CECR2: variants seen among roughly 807,000 people sequenced by gnomAD.
CECR2 encodes the protein chromatin remodeling regulator CECR2.
In CECR2, 30 loss-of-function variants were observed where a neutral mutation model predicts 154.5. The observed-to-expected ratio is 0.19, with a 90% confidence interval of 0.15 to 0.26. CECR2 has a LOEUF of 0.26. CECR2 is among the 10% of genes least tolerant of loss of function. The pLI, the probability that CECR2 is intolerant of heterozygous loss-of-function variation, is 1.00. For missense variants in CECR2, 1,743 were observed against 1,829.3 expected (o/e 0.95, Z 0.86); for synonymous variants, 725 against 683.7 (o/e 1.06, Z -0.94).
intron 1 of CECR2, among the ~76,000 whole-genome samples, chr22:17,390,228 C>T (rs2146501905): frequency 6.6e-6 from 1 of 151,978 alleles, no homozygotes; most frequent in South Asian, 2.1e-4. Context: ...AAAAGCCATT[C>T]ATTCTATTGA....
At chr22:17,524,433 C>T in intron 9 of CECR2, 162 bp downstream of exon 9, 2 of 814,432 alleles carry the variant, frequency 2.5e-6, no homozygotes, top group Non-Finnish European at 3.5e-6. Context: ...CGCTGTGTCG[C>T]CCAGGCTGGA....
At chr22:17,406,419 A>ACCT (rs766783151) in intron 1 of CECR2, among the ~76,000 whole-genome samples, 22 of 152,342 alleles carry the variant, frequency 1.4e-4, no homozygotes, top group Admixed American at 3.9e-4. Flanking sequence ...GCTACTGAGG[A>ACCT]GGCTGAAGCA....
chr22:17,533,739 G>A (rs2056395549), intron 9 of CECR2, among the ~76,000 whole-genome samples: 3 of 144,704 alleles, frequency 2.1e-5, no homozygotes, highest in South Asian at 2.2e-4. Flanking sequence ...TTTTTGAGAT[G>A]ACGTTTCACC....
intron 1 of CECR2, among the ~76,000 whole-genome samples, chr22:17,402,387 C>G (rs907004598): frequency 6.6e-6 from 1 of 152,216 alleles, no homozygotes; most frequent in Non-Finnish European, 1.5e-5. Context: ...TATATCAGGG[C>G]TCAGCAAACT....
chr22:17,395,329 G>A lies in CECR2; in HGVS notation c.126+25420G>A, dbSNP rs373502895. On this transcript the variant is annotated intron_variant, in intron 1 of 18. Coordinates refer to ENST00000262608, the MANE Select transcript of CECR2 (RefSeq NM_001290047.2). ...AGGTGTGAGCCTCCGCACCCGGCTCGAATAGAATCTTACATATTCTCTCTT... is the reference window on the plus strand; with the variant it reads ...AGGTGTGAGCCTCCGCACCCGGCTCAAATAGAATCTTACATATTCTCTCTT... Among the ~76,000 whole-genome samples, 206 of 151,754 alleles carry A rather than the reference G, an allele frequency of 1.4e-3. 4 individuals are homozygous for A. In the South Asian group the frequency reaches 0.041, roughly 30 times the overall value.
chr22:17,467,883 G>C (rs1028475340), intron 1 of CECR2, among the ~76,000 whole-genome samples: 1 of 152,198 alleles, frequency 6.6e-6, no homozygotes, highest in African/African-American at 2.4e-5. Flanking sequence ...ATCAGAAAGA[G>C]AACTGCTGAG....
chr22:17,481,965 A>G (rs2055328089), intron 2 of CECR2, among the ~76,000 whole-genome samples: 1 of 151,420 alleles, frequency 6.6e-6, no homozygotes, highest in Non-Finnish European at 1.5e-5. Flanking sequence ...AGATACAAAA[A>G]AGTAGCCGGG....
intron 9 of CECR2, among the ~76,000 whole-genome samples, chr22:17,530,933 G>A (rs531937372): frequency 1.3e-5 from 2 of 152,304 alleles, no homozygotes; most frequent in East Asian, 3.9e-4. Context: ...GGGAGTCAGT[G>A]TTTAACGTTA....
intron 3 of CECR2, among the ~76,000 whole-genome samples, chr22:17,498,251 C>T (rs1490685259): frequency 3.3e-5 from 5 of 152,012 alleles, no homozygotes; most frequent in African/African-American, 2.4e-5. Context: ...ATTAGCCGGG[C>T]GTGGTGGCAG....
intron 1 of CECR2, among the ~76,000 whole-genome samples, chr22:17,463,421 A>G (rs954497326): frequency 2.0e-5 from 3 of 152,190 alleles, no homozygotes; most frequent in Admixed American, 6.5e-5. Flanking sequence ...TTGGTGAGGA[A>G]GCTTTTAAAT....
chr22:17,514,765 G>A (rs1192515404), intron 8 of CECR2, among the ~76,000 whole-genome samples: 1 of 152,132 alleles, frequency 6.6e-6, no homozygotes, highest in African/African-American at 2.4e-5. Context: ...CAGGCGCGGT[G>A]GCTCACGCCT....
chr22:17,490,772 C>T (rs1463142703), intron 2 of CECR2, among the ~76,000 whole-genome samples: 1 of 151,926 alleles, frequency 6.6e-6, no homozygotes, highest in Non-Finnish European at 1.5e-5. Context: ...TTAAAGTGTA[C>T]AATTCATTGG....
chr22:17,402,230 C>T (rs930821968), intron 1 of CECR2, among the ~76,000 whole-genome samples: 1 of 152,182 alleles, frequency 6.6e-6, no homozygotes, highest in African/African-American at 2.4e-5. Flanking sequence ...GGCAGTTCAC[C>T]TGCCTCGGCC....
chr22:17,553,347 A>G lies in CECR2; in HGVS notation c.*507A>G, dbSNP rs1409614345. The G allele has an allele frequency of 6.6e-6, 1 of 152,206 alleles. No individual in the cohort carries two copies. The highest frequency in any genetic ancestry group is 2.4e-5 in the African/African-American group (1 of 41,304). 9.4% of individuals were successfully genotyped at this position (152,206 alleles called of 1,614,324 possible). The stretch of plus-strand genomic sequence containing the variant: ...TGTTGGTGGTGAATGTATTGTACAT[A>G]AAGTGGGAAGGGTGGGTGGGGATGC... On this transcript the variant is annotated 3_prime_UTR_variant, in exon 19 of 19. Coordinates refer to ENST00000262608, the MANE Select transcript of CECR2 (RefSeq NM_001290047.2).
At chr22:17,459,440 C>T (rs1041554889) in intron 1 of CECR2, among the ~76,000 whole-genome samples, 2 of 152,138 alleles carry the variant, frequency 1.3e-5, no homozygotes, top group Non-Finnish European at 2.9e-5. Context: ...TACGGTTGAG[C>T]GCCACAACGC....
chr22:17,507,311 C>T (rs2055865325), intron 7 of CECR2, among the ~76,000 whole-genome samples: 1 of 152,304 alleles, frequency 6.6e-6, no homozygotes, highest in East Asian at 1.9e-4. Context: ...GTTTCACCAT[C>T]GGTGTACTTA....
At chr22:17,377,440 T>TC (rs2063131139) in intron 1 of CECR2, among the ~76,000 whole-genome samples, 2 of 152,268 alleles carry the variant, frequency 1.3e-5, no homozygotes, top group South Asian at 4.1e-4. Flanking sequence ...ATTTTTTTTT[T>TC]TTTTTAAAGA....
upstream of CECR2, among the ~76,000 whole-genome samples, chr22:17,365,156 A>G (rs34957432): frequency 0.64 from 97,230 of 151,436 alleles, 31,747 homozygotes; most frequent in African/African-American, 0.75. Flanking sequence ...CCCAGGAGGC[A>G]GAGGTTGCAG....
chr22:17,443,179 T>G (rs1245762329), intron 1 of CECR2, among the ~76,000 whole-genome samples: 1 of 152,208 alleles, frequency 6.6e-6, no homozygotes, highest in South Asian at 2.1e-4. Context: ...CTACAAATCC[T>G]TAAATCCATA....
Sources: allele counts gnomAD v4.1 joint callset (sites outside exome capture counted in the v4.1 genomes callset), GRCh38; gene constraint gnomAD v4.1.1; transcripts MANE v1.5; gene names NCBI Gene and HGNC (gene_info 2026-07-23, HGNC 2026-07-21).